Variants in MTHFD1L observed in about 807,000 individuals in gnomAD.
MTHFD1L encodes monofunctional C1-tetrahydrofolate synthase, mitochondrial.
MTHFD1L carries 81 observed loss-of-function variants against 119.5 expected under a neutral mutation model. The ratio of observed to expected loss-of-function variants is 0.68; its 90% confidence interval spans 0.57 to 0.82. The LOEUF (loss-of-function observed/expected upper bound fraction) is 0.82, where lower values mean the gene tolerates loss of function less well. Among genes scored for constraint, MTHFD1L ranks in the 40% least tolerant of loss-of-function variants. The pLI, the probability that MTHFD1L is intolerant of heterozygous loss-of-function variation, is 0.00. For synonymous variants in MTHFD1L, 430 were observed against 475.2 expected, an observed-to-expected ratio of 0.90 and a Z score of 1.24; for missense variants, 1,125 against 1,253.4, an observed-to-expected ratio of 0.90 and a Z score of 1.55.
rs184705432 is a variant in MTHFD1L, at chr6:150,913,411, C to T, written c.893-5166C>T. Among the ~76,000 whole-genome samples, 242 of 152,168 alleles carry T rather than the reference C, an allele frequency of 1.6e-3. 1 individual carries two copies. Among genetic ancestry groups the T allele is most frequent in the African/African-American group, 5.5e-3 (228 of 41,544 alleles). On this transcript the variant is annotated intron_variant, in intron 8 of 27. Transcript: ENST00000367321. ...CGATCTCCTGACCTGGTCATCCGCC[C>T]GACTCGGCCTCCCAAAGTGCTGGGA...
chr6:150,921,958 T>C (rs1789019325), intron 9 of MTHFD1L, among the ~76,000 whole-genome samples: 8 of 152,236 alleles, frequency 5.3e-5, no homozygotes, highest in Admixed American at 3.9e-4. Flanking sequence ...CTTTTAATAC[T>C]ATCAAACTCT....
At chr6:151,034,435 A>T (rs1246504025) in intron 24 of MTHFD1L, 58 bp from the exon 25 acceptor site, 9 of 1,251,662 alleles carry the variant, frequency 7.2e-6, no homozygotes, top group South Asian at 1.2e-5. Flanking sequence ...TAAAGTTTTT[A>T]AAAAATCTTT....
intron 10 of MTHFD1L, among the ~76,000 whole-genome samples, chr6:150,923,451 C>T (rs1217587013): frequency 1.3e-5 from 2 of 151,620 alleles, no homozygotes. Context: ...GTAATCTCAT[C>T]CAGCAACGTT....
chr6:151,097,590 G>A (rs1016322271), intron 27 of MTHFD1L, among the ~76,000 whole-genome samples: 2 of 152,206 alleles, frequency 1.3e-5, no homozygotes, highest in Non-Finnish European at 1.5e-5. Context: ...CCAGAGGCTG[G>A]GAAGGATGGG....
At chr6:150,938,962 C>T (rs778722291) in intron 13 of MTHFD1L, among the ~76,000 whole-genome samples, 4 of 152,094 alleles carry the variant, frequency 2.6e-5, no homozygotes, top group Non-Finnish European at 2.9e-5. Flanking sequence ...TGCTACTTGG[C>T]GTGAATATTC....
rs80050796 is a variant in MTHFD1L at position 150,962,835 on chromosome 6, C to T, written c.1945-2134C>T. On this transcript the variant is annotated intron_variant, in intron 18 of 27. Transcript: ENST00000367321. ...AAGTAGGAAAACTACTCCTCTTCTT[C>T]CACCTGCTCTGCATTAGCACAACAG... Among the ~76,000 whole-genome samples, 787 of 152,154 alleles carry T rather than the reference C, an allele frequency of 5.2e-3. 7 individuals are homozygous for T. The highest frequency in any genetic ancestry group is 0.018 in the African/African-American group (744 of 41,502).
intron 7 of MTHFD1L, among the ~76,000 whole-genome samples, chr6:150,893,437 A>G (rs1290927266): frequency 6.6e-6 from 1 of 152,074 alleles, no homozygotes; most frequent in African/African-American, 2.4e-5. Context: ...AATCTATTTA[A>G]CTTCTCCTTA....
chr6:151,004,199 C>A (rs1416813071), intron 20 of MTHFD1L, among the ~76,000 whole-genome samples: 1 of 151,794 alleles, frequency 6.6e-6, no homozygotes, highest in Non-Finnish European at 1.5e-5. Flanking sequence ...AAATCACGCT[C>A]CTGTAATCCC....
intron 19 of MTHFD1L, among the ~76,000 whole-genome samples, chr6:150,966,250 G>A (rs1797198881): frequency 6.6e-6 from 1 of 152,122 alleles, no homozygotes; most frequent in Non-Finnish European, 1.5e-5. Context: ...GGCTGGGGAG[G>A]CCTCAGGAAA....
At chr6:151,046,469 GTGTATATATA>G (rs71014534) in intron 26 of MTHFD1L, among the ~76,000 whole-genome samples, 14,726 of 116,506 alleles carry the variant, frequency 0.13, 1,199 homozygotes, top group Middle Eastern at 0.17. Flanking sequence ...ATATGTGTGT[GTGTATATATA>G]TATATATATA....
At chr6:150,877,848 AC>A in intron 4 of MTHFD1L, 22 bp downstream of exon 4, 1 of 1,614,052 alleles carries the variant, frequency 6.2e-7, no homozygotes, top group Non-Finnish European at 8.5e-7. Context: ...AGAGCTCTAA[AC>A]TCTTGCTTCT....
At chr6:150,918,039 A>G (rs909205519) in intron 8 of MTHFD1L, among the ~76,000 whole-genome samples, 4 of 146,724 alleles carry the variant, frequency 2.7e-5, no homozygotes, top group Admixed American at 2.7e-4. Context: ...AAATCCATTT[A>G]TCCCAGGTTA....
At chr6:151,082,650 C>T (rs1411766714) in intron 26 of MTHFD1L, among the ~76,000 whole-genome samples, 1 of 151,896 alleles carries the variant, frequency 6.6e-6, no homozygotes, top group Non-Finnish European at 1.5e-5. Flanking sequence ...TTAATCCAGG[C>T]AATTATCAAT....
chr6:150,886,310 C>T (rs951073210), intron 6 of MTHFD1L, among the ~76,000 whole-genome samples: 1 of 151,920 alleles, frequency 6.6e-6, no homozygotes, highest in Non-Finnish European at 1.5e-5. Flanking sequence ...GTGGTGTGCA[C>T]GTGTAGTCCC....
At chr6:151,064,496 G>A (rs1791004375) in intron 26 of MTHFD1L, among the ~76,000 whole-genome samples, 2 of 152,006 alleles carry the variant, frequency 1.3e-5, no homozygotes, top group Non-Finnish European at 2.9e-5. Flanking sequence ...TGTATTTTTA[G>A]TAGAGACAGG....
At chr6:150,952,988 A>T (rs931994427) in intron 16 of MTHFD1L, among the ~76,000 whole-genome samples, 2 of 152,170 alleles carry the variant, frequency 1.3e-5, no homozygotes, top group African/African-American at 4.8e-5. Context: ...TTTTGCACAG[A>T]TGAGCCTCTG....
intron 1 of MTHFD1L, among the ~76,000 whole-genome samples, chr6:150,867,347 A>C (rs138587557): frequency 1.3e-5 from 2 of 152,062 alleles, no homozygotes; most frequent in Non-Finnish European, 2.9e-5. Context: ...GTGCGCTACC[A>C]TGCCCGGATT....
At chr6:150,884,828 C>A (rs954021390) in intron 5 of MTHFD1L, among the ~76,000 whole-genome samples, 1 of 152,142 alleles carries the variant, frequency 6.6e-6, no homozygotes, top group Non-Finnish European at 1.5e-5. Flanking sequence ...CACTGCCCCC[C>A]ACCCCGACTT....
chr6:150,879,048 G>A (rs1401189143), intron 4 of MTHFD1L, among the ~76,000 whole-genome samples: 1 of 152,180 alleles, frequency 6.6e-6, no homozygotes, highest in East Asian at 1.9e-4. Flanking sequence ...AGGCTGGGAA[G>A]TGTAGTTTTT....
Sources: gnomAD v4.1 joint callset for allele counts (sites outside exome capture counted in the v4.1 genomes callset) on GRCh38, gnomAD v4.1.1 for gene constraint, MANE v1.5 for transcripts, NCBI Gene and HGNC (gene_info 2026-07-23, HGNC 2026-07-21) for gene names.